The following ADK variants were observed in gnomAD, a reference collection of about 807,000 sequenced individuals.
ADK encodes the protein adenosine kinase, also known as N6,N6-dimethyladenosine kinase.
Under a neutral mutation model 44.7 loss-of-function variants are expected in ADK, and 24 were observed. The ratio of observed to expected loss-of-function variants is 0.54; its 90% CI spans 0.39 to 0.76. The LOEUF (loss-of-function observed/expected upper bound fraction) is 0.76. ADK is among the 30% of genes least tolerant of loss of function. The probability of loss-of-function intolerance (pLI) is 0.00; values close to 1 mark genes in which losing one functional copy is unlikely to be tolerated. For missense variants in ADK, 321 were observed against 425.1 expected (o/e 0.76, Z 2.15); for synonymous variants, 128 against 142.6 (o/e 0.90, Z 0.73).
At chr10:74,501,795 A>G (rs970418766) in intron 6 of ADK, among the ~76,000 whole-genome samples, 3 of 152,190 alleles carry the variant, frequency 2.0e-5, no homozygotes, top group African/African-American at 4.8e-5. Context: ...AGTATCCATA[A>G]TAGGTAAATC....
intron 4 of ADK, among the ~76,000 whole-genome samples, chr10:74,385,577 G>A (rs1843114118): frequency 6.6e-6 from 1 of 152,104 alleles, no homozygotes; most frequent in African/African-American, 2.4e-5. Flanking sequence ...AATAATAGGT[G>A]ATCAACAAAT....
intron 3 of ADK, among the ~76,000 whole-genome samples, chr10:74,269,311 A>G (rs1409889797): frequency 6.6e-6 from 1 of 152,200 alleles, no homozygotes; most frequent in Non-Finnish European, 1.5e-5. Context: ...ATAGTGATGG[A>G]ATAGAACTAA....
At chr10:74,305,324 T>G (rs997621746) in intron 3 of ADK, among the ~76,000 whole-genome samples, 4 of 152,178 alleles carry the variant, frequency 2.6e-5, no homozygotes, top group African/African-American at 9.7e-5. Flanking sequence ...GAGCGTTTGC[T>G]TCTAACCATT....
At chr10:74,176,990 G>A (rs371344807) in intron 1 of ADK, 12 of 1,486,530 alleles carry the variant, frequency 8.1e-6, no homozygotes, top group African/African-American at 2.7e-5. Flanking sequence ...GCCTGCCTCC[G>A]CCTCTGGTCC....
chr10:74,594,155 G>C (rs965959399), intron 8 of ADK, among the ~76,000 whole-genome samples: 3 of 151,258 alleles, frequency 2.0e-5, no homozygotes, highest in Non-Finnish European at 4.4e-5. Flanking sequence ...ATGGACACAG[G>C]GAGGGCAACA....
At chr10:74,479,770 T>C (rs912312669) in intron 6 of ADK, among the ~76,000 whole-genome samples, 1 of 152,190 alleles carries the variant, frequency 6.6e-6, no homozygotes. Flanking sequence ...CAATCAGTTT[T>C]AAATGATATC....
intron 9 of ADK, among the ~76,000 whole-genome samples, chr10:74,616,019 G>A (rs1852746185): frequency 6.6e-6 from 1 of 151,994 alleles, no homozygotes; most frequent in Non-Finnish European, 1.5e-5. Context: ...TTGCTTACTG[G>A]CATTTGGATA....
At chr10:74,159,715 C>T (rs1440873556) in intron 1 of ADK, among the ~76,000 whole-genome samples, 2 of 152,146 alleles carry the variant, frequency 1.3e-5, no homozygotes, top group Non-Finnish European at 2.9e-5. Context: ...GCCTCAGCCT[C>T]CCGAGCAGCT....
At chr10:74,518,716 T>A (rs1319030111) in intron 6 of ADK, among the ~76,000 whole-genome samples, 1 of 152,174 alleles carries the variant, frequency 6.6e-6, no homozygotes, top group Non-Finnish European at 1.5e-5. Flanking sequence ...TTATCAGAAG[T>A]GACATCTAAC....
chr10:74,457,060 T>C (rs1845975424), intron 6 of ADK, among the ~76,000 whole-genome samples: 1 of 152,052 alleles, frequency 6.6e-6, no homozygotes, highest in Admixed American at 6.5e-5. Flanking sequence ...TTTGAAAAGA[T>C]TAACAAAATA....
At chr10:74,245,181 A>G (rs1845371880) in intron 3 of ADK, among the ~76,000 whole-genome samples, 1 of 152,204 alleles carries the variant, frequency 6.6e-6, no homozygotes, top group Non-Finnish European at 1.5e-5. Context: ...ATAACTTTCA[A>G]TTTAATGTTC....
chr10:74,473,184 A>G (rs890871252), intron 6 of ADK, among the ~76,000 whole-genome samples: 4 of 94,398 alleles, frequency 4.2e-5, no homozygotes, highest in African/African-American at 1.2e-4. Flanking sequence ...ACACATACAT[A>G]TACACACAGA....
chr10:74,588,068 C>T lies in ADK; in HGVS notation c.727-1214C>T, dbSNP rs149649638. Among the ~76,000 whole-genome samples the T allele has an allele frequency of 1.3e-3, 201 of 152,060 alleles. 1 individual carries two copies. The highest frequency in any genetic ancestry group is 4.6e-3 in the African/African-American group (189 of 41,518). On this transcript the variant is annotated intron_variant, in intron 7 of 10. Coordinates refer to ENST00000539909, the MANE Select transcript of ADK (RefSeq NM_006721.4). Reference sequence around the variant, plus strand: ...TTGGACTGTTTATTATAAAAAATTTCAAACAAAAAAGGAGACATTGGACCC... The same window carrying T: ...TTGGACTGTTTATTATAAAAAATTTTAAACAAAAAAGGAGACATTGGACCC...
chr10:74,407,441 G>A (rs11001032), intron 6 of ADK, among the ~76,000 whole-genome samples: 2 of 151,996 alleles, frequency 1.3e-5, no homozygotes, highest in South Asian at 4.2e-4. Flanking sequence ...ATGTGCTTTC[G>A]GAATGTTGTT....
intron 3 of ADK, among the ~76,000 whole-genome samples, chr10:74,293,311 G>T (rs778403126): frequency 6.6e-6 from 1 of 151,166 alleles, no homozygotes; most frequent in Non-Finnish European, 1.5e-5. Flanking sequence ...GTTTAAAAAA[G>T]CCACAAATTA....
intron 4 of ADK, among the ~76,000 whole-genome samples, chr10:74,316,346 G>T (rs1459879782): frequency 6.6e-6 from 1 of 152,164 alleles, no homozygotes; most frequent in Non-Finnish European, 1.5e-5. Context: ...AGAACTGGGG[G>T]TGATATGGTT....
chr10:74,190,727 G>A (rs1842927513), intron 1 of ADK, among the ~76,000 whole-genome samples: 1 of 152,168 alleles, frequency 6.6e-6, no homozygotes, highest in Non-Finnish European at 1.5e-5. Context: ...CTGAAAATGG[G>A]ACTTTGAAGG....
chr10:74,681,597 G>GC (rs1275831652), intron 10 of ADK, among the ~76,000 whole-genome samples: 2 of 152,282 alleles, frequency 1.3e-5, no homozygotes, highest in African/African-American at 4.8e-5. Context: ...TGTAATCTCA[G>GC]CACTTTAAGA....
intron 4 of ADK, among the ~76,000 whole-genome samples, chr10:74,347,106 CAAAAAAAAAAAAAAAAAAAAAAAA>C (rs58074760): frequency 4.3e-5 from 4 of 92,292 alleles, no homozygotes; most frequent in South Asian, 3.8e-4. Flanking sequence ...CACTCTGTCT[CAAAAAAAAAAAAAAAAAAAAAAAA>C]AAAAAAAAAA....
Sources: allele counts gnomAD v4.1 joint callset (sites outside exome capture counted in the v4.1 genomes callset), GRCh38; gene constraint gnomAD v4.1.1; transcripts MANE v1.5; gene names NCBI Gene and HGNC (gene_info 2026-07-23, HGNC 2026-07-21).